The following LDB2 variants were observed in gnomAD, a reference collection of about 807,000 sequenced individuals.
LDB2 encodes LIM domain-binding protein 2.
A neutral mutation model predicts 44.3 loss-of-function variants in LDB2; 12 were observed. The observed-to-expected ratio is 0.27, with a 90% CI of 0.17 to 0.44. The LOEUF is 0.44. Ranked by LOEUF, LDB2 falls within the 20% of genes least tolerant of loss-of-function variation. The probability of loss-of-function intolerance (pLI) is 1.00; values close to 1 mark genes in which losing one functional copy is unlikely to be tolerated. For synonymous variants in LDB2, 164 were observed against 174.8 expected (o/e 0.94, Z 0.49); for missense variants, 344 against 473.5 (o/e 0.73, Z 2.54).
intron 1 of LDB2, among the ~76,000 whole-genome samples, chr4:16,776,647 C>T (rs538047993): frequency 4.1e-4 from 63 of 152,308 alleles, no homozygotes; most frequent in Non-Finnish European, 7.2e-4. Flanking sequence ...AGACACAAAT[C>T]CACGTCCTTG....
At chr4:16,503,222 C>T in intron 7 of LDB2, 1 of 1,335,490 alleles carries the variant, frequency 7.5e-7, no homozygotes, top group Non-Finnish European at 1.0e-6. Flanking sequence ...GGCTGTGGAA[C>T]CTTCTGCTGG....
chr4:16,505,703 G>T (rs952927750), intron 7 of LDB2: 2 of 670,382 alleles, frequency 3.0e-6, no homozygotes, highest in Non-Finnish European at 4.7e-6. Context: ...AGACAACAGC[G>T]AGCCATCTGA....
intron 5 of LDB2, among the ~76,000 whole-genome samples, chr4:16,579,400 A>T (rs1316688695): frequency 1.3e-5 from 2 of 152,230 alleles, no homozygotes; most frequent in African/African-American, 2.4e-5. Context: ...AAATAGAAAA[A>T]GATAATCATT....
chr4:16,815,139 T>TG (rs1437080962), intron 1 of LDB2, among the ~76,000 whole-genome samples: 1 of 152,252 alleles, frequency 6.6e-6, no homozygotes, highest in African/African-American at 2.4e-5. Context: ...CAAAGTATTG[T>TG]GTTTTTCATT....
intron 2 of LDB2, among the ~76,000 whole-genome samples, chr4:16,689,450 C>T (rs1215813231): frequency 6.6e-6 from 1 of 152,196 alleles, no homozygotes; most frequent in African/African-American, 2.4e-5. Flanking sequence ...ATTTGGCTAT[C>T]CAATACAGTT....
At chr4:16,638,686 CA>C (rs1734294067) in intron 2 of LDB2, among the ~76,000 whole-genome samples, 1 of 152,160 alleles carries the variant, frequency 6.6e-6, no homozygotes, top group Non-Finnish European at 1.5e-5. Context: ...ATTCATTCAG[CA>C]AAAACATATC....
chr4:16,605,739 A>G (rs544729555), intron 2 of LDB2, among the ~76,000 whole-genome samples: 1 of 152,152 alleles, frequency 6.6e-6, no homozygotes, highest in African/African-American at 2.4e-5. Flanking sequence ...CTGGTGCACT[A>G]TCTCCCTATC....
chr4:16,812,776 A>G (rs1264539130), intron 1 of LDB2, among the ~76,000 whole-genome samples: 3 of 151,766 alleles, frequency 2.0e-5, no homozygotes, highest in Non-Finnish European at 2.9e-5. Context: ...CAAGAATATA[A>G]AAATAGTGTG....
At position 16,739,704 on chromosome 4, in the gene LDB2, GTGTATATA is replaced by G. The variant is rs1245184774; in HGVS notation, c.235+19446_235+19453del. The stretch of plus-strand genomic sequence containing the variant: ...TGTATATATGTATATATACATATAT[GTGTATATA>G]TGTATATATACATATATGTGTATAT... On this transcript the variant is annotated intron_variant, in intron 2 of 7. Transcript: ENST00000304523. Among the ~76,000 whole-genome samples the G allele has an allele frequency of 2.7e-5, 2 of 74,386 alleles. 1 individual carries two copies. The highest frequency in any genetic ancestry group is 5.2e-5 in the Non-Finnish European group (2 of 38,332). 48.8% of individuals were successfully genotyped at this position (74,386 alleles called of 152,430 possible). A position where few individuals can be genotyped will look rare whatever the true frequency, so the allele number is the denominator to read the frequency against.
chr4:16,774,591 A>G (rs1478511603), intron 1 of LDB2, among the ~76,000 whole-genome samples: 1 of 152,176 alleles, frequency 6.6e-6, no homozygotes, highest in Non-Finnish European at 1.5e-5. Context: ...GAAAGACACT[A>G]TCAGAGAGGT....
intron 5 of LDB2, among the ~76,000 whole-genome samples, chr4:16,583,838 T>C (rs754158740): frequency 2.6e-5 from 4 of 152,170 alleles, no homozygotes; most frequent in Non-Finnish European, 5.9e-5. Context: ...TCTCTGGCTT[T>C]GCATCTCCCT....
intron 2 of LDB2, among the ~76,000 whole-genome samples, chr4:16,743,690 C>T (rs1024690819): frequency 9.9e-5 from 15 of 151,988 alleles, no homozygotes; most frequent in African/African-American, 3.6e-4. Context: ...AAGCAGCCCC[C>T]AGTTAATAGC....
chr4:16,883,805 C>T (rs151223930), intron 1 of LDB2, among the ~76,000 whole-genome samples: 7 of 152,252 alleles, frequency 4.6e-5, no homozygotes, highest in East Asian at 1.9e-4. Flanking sequence ...GGCCCCAGGC[C>T]GCTAAACGAT....
At chr4:16,803,880 T>C (rs1003823568) in intron 1 of LDB2, among the ~76,000 whole-genome samples, 3 of 152,228 alleles carry the variant, frequency 2.0e-5, no homozygotes, top group African/African-American at 7.2e-5. Flanking sequence ...TTAAAAAATA[T>C]ATAACTAATA....
chr4:16,673,098 C>G (rs1745337889), intron 2 of LDB2, among the ~76,000 whole-genome samples: 1 of 151,922 alleles, frequency 6.6e-6, no homozygotes, highest in Admixed American at 6.6e-5. Context: ...GGTTTGTGAC[C>G]AATGGGATTG....
chr4:16,560,902 A>G (rs956020877), intron 5 of LDB2, among the ~76,000 whole-genome samples: 38 of 152,240 alleles, frequency 2.5e-4, no homozygotes, highest in Non-Finnish European at 3.8e-4. Context: ...GGGATGCAAG[A>G]CTGGTTCAAT....
chr4:16,882,810 A>G (rs1407782620), intron 1 of LDB2, among the ~76,000 whole-genome samples: 1 of 152,214 alleles, frequency 6.6e-6, no homozygotes, highest in African/African-American at 2.4e-5. Context: ...AATAGTACAC[A>G]CAAGTGATCA....
intron 2 of LDB2, among the ~76,000 whole-genome samples, chr4:16,723,601 A>G (rs1758787776): frequency 1.3e-5 from 2 of 152,092 alleles, no homozygotes; most frequent in African/African-American, 4.8e-5. Context: ...AACTCACCCC[A>G]TCTTATACCT....
chr4:16,748,718 T>C (rs1764861115), intron 2 of LDB2, among the ~76,000 whole-genome samples: 1 of 152,228 alleles, frequency 6.6e-6, no homozygotes, highest in Non-Finnish European at 1.5e-5. Context: ...GCCATTATTA[T>C]CTAAAAGAAA....
Sources: gnomAD v4.1 joint callset for allele counts (sites outside exome capture counted in the v4.1 genomes callset) on GRCh38, gnomAD v4.1.1 for gene constraint, MANE v1.5 for transcripts, NCBI Gene and HGNC (gene_info 2026-07-23, HGNC 2026-07-21) for gene names.